RHBDD1: variants seen among roughly 807,000 people sequenced by gnomAD.
RHBDD1 encodes rhomboid domain containing 1.
Under a neutral mutation model 36.3 loss-of-function variants are expected in RHBDD1, and 38 were observed. That is an observed-to-expected ratio of 1.05 (90% CI 0.81 to 1.37). The LOEUF (loss-of-function observed/expected upper bound fraction) is 1.37. Ranked by LOEUF, RHBDD1 falls within the 40% of genes most tolerant of loss-of-function variation. The pLI is 0.00. For missense variants in RHBDD1, 393 were observed against 377.6 expected, an observed-to-expected ratio of 1.04 and a Z score of -0.34; for synonymous variants, 151 against 136.5, an observed-to-expected ratio of 1.11 and a Z score of -0.74.
chr2:226,971,130 A>C (rs1015088579), intron 8 of RHBDD1, among the ~76,000 whole-genome samples: 2 of 152,166 alleles, frequency 1.3e-5, no homozygotes, highest in African/African-American at 4.8e-5. Flanking sequence ...GAACATTTTC[A>C]TGGGCCTTTA....
intron 8 of RHBDD1, among the ~76,000 whole-genome samples, chr2:226,952,290 T>G (rs1951478843): frequency 7.6e-6 from 1 of 130,972 alleles, no homozygotes; most frequent in Non-Finnish European, 1.5e-5. Flanking sequence ...TTGTTTTGGT[T>G]TGGTTTTTTT....
At chr2:226,890,825 A>T (rs1405900866) in intron 5 of RHBDD1, among the ~76,000 whole-genome samples, 2 of 152,296 alleles carry the variant, frequency 1.3e-5, no homozygotes, top group Middle Eastern at 3.4e-3. Flanking sequence ...TTAAAATAAA[A>T]TTTTTTTAAA....
At chr2:226,856,529 G>GT (rs1943343999) in intron 3 of RHBDD1, among the ~76,000 whole-genome samples, 1 of 152,092 alleles carries the variant, frequency 6.6e-6, no homozygotes, top group East Asian at 1.9e-4. Context: ...TGGCTCTATA[G>GT]TAACAGTAAC....
intron 8 of RHBDD1, among the ~76,000 whole-genome samples, chr2:226,973,317 A>G (rs1024522118): frequency 2.0e-5 from 3 of 152,232 alleles, no homozygotes; most frequent in African/African-American, 4.8e-5. Flanking sequence ...TTACTCAAAA[A>G]AATTGTTTAA....
the RHBDD1 span, among the ~76,000 whole-genome samples, chr2:226,829,717 T>A: frequency 6.6e-6 from 1 of 152,048 alleles, no homozygotes; most frequent in Non-Finnish European, 1.5e-5. Context: ...TGTGCTAAAC[T>A]TATTAATTTT....
At chr2:226,910,665 A>G (rs560343894) in intron 7 of RHBDD1, among the ~76,000 whole-genome samples, 1 of 152,014 alleles carries the variant, frequency 6.6e-6, no homozygotes, top group South Asian at 2.1e-4. Flanking sequence ...CTAAGTATAT[A>G]ACTAAAAAAA....
upstream of RHBDD1, among the ~76,000 whole-genome samples, chr2:226,831,918 T>G (rs561095501): frequency 1.1e-4 from 17 of 152,072 alleles, no homozygotes; most frequent in African/African-American, 2.7e-4. Flanking sequence ...GTCTTTTTAA[T>G]TTTTTGGCCA....
At chr2:226,837,780 C>T (rs567794449) in intron 1 of RHBDD1, 1 of 152,356 alleles carries the variant, frequency 6.6e-6, no homozygotes, top group South Asian at 2.1e-4. Context: ...GGTAATCCAC[C>T]TGCCTCGTCT....
chr2:226,908,932 T>G (rs1439394308), intron 7 of RHBDD1, 54 bp downstream of exon 7: 1 of 1,158,772 alleles, frequency 8.6e-7, no homozygotes, highest in Non-Finnish European at 1.3e-6. Context: ...AATTATAGTG[T>G]TCAGCTCTAC....
In RHBDD1 at chr2:226,897,467, C is replaced by T. The variant is rs141605657; in HGVS notation, c.567-9326C>T. 2.1e-4 allele frequency among the ~76,000 whole-genome samples: 32 copies of T among 152,178 alleles called. No individual in the cohort carries two copies. The East Asian group carries it at 5.6e-3, about 27-fold the overall frequency. On this transcript the variant is annotated intron_variant, in intron 5 of 8. Transcript: ENST00000392062. ...ATATGTCTTAGTCCATTTAGTGTTG[C>T]TATAAAAAAATACCTGAATCTGGGT...
At chr2:226,981,830 G>T (rs1447206834) in intron 8 of RHBDD1, among the ~76,000 whole-genome samples, 1 of 152,154 alleles carries the variant, frequency 6.6e-6, no homozygotes, top group Non-Finnish European at 1.5e-5. Flanking sequence ...CAGCTCTGGG[G>T]TGCAGAGAGC....
chr2:226,961,554 T>C (rs1479693992), intron 8 of RHBDD1, among the ~76,000 whole-genome samples: 2 of 151,058 alleles, frequency 1.3e-5, no homozygotes, highest in East Asian at 1.9e-4. Flanking sequence ...TTTTTTTTCA[T>C]TTACTTTTCA....
chr2:226,888,952 T>C (rs1946465932), intron 5 of RHBDD1, among the ~76,000 whole-genome samples: 1 of 152,202 alleles, frequency 6.6e-6, no homozygotes, highest in Non-Finnish European at 1.5e-5. Flanking sequence ...AGGGTTGTAG[T>C]TGGATACAGA....
chr2:226,894,530 C>G (rs1300338890), intron 5 of RHBDD1, among the ~76,000 whole-genome samples: 2 of 152,154 alleles, frequency 1.3e-5, no homozygotes, highest in African/African-American at 4.8e-5. Context: ...CTCGGCCTCC[C>G]AAAGTGCTTG....
At chr2:226,975,234 A>G (rs1954355588) in intron 8 of RHBDD1, among the ~76,000 whole-genome samples, 1 of 152,170 alleles carries the variant, frequency 6.6e-6, no homozygotes, top group Admixed American at 6.5e-5. Context: ...GGTGGAATCG[A>G]TGCCCCTGAG....
At chr2:226,963,797 C>T (rs1952409942) in intron 8 of RHBDD1, among the ~76,000 whole-genome samples, 1 of 152,090 alleles carries the variant, frequency 6.6e-6, no homozygotes, top group Non-Finnish European at 1.5e-5. Context: ...ATTAACCTCT[C>T]AACTATCCTA....
chr2:226,886,607 T>C (rs1358729869), intron 5 of RHBDD1, among the ~76,000 whole-genome samples: 4 of 152,158 alleles, frequency 2.6e-5, no homozygotes, highest in Non-Finnish European at 5.9e-5. Context: ...ACTTCAATCT[T>C]CTCTAAAAAT....
chr2:226,803,556 T>C, the RHBDD1 span, among the ~76,000 whole-genome samples: 1 of 152,188 alleles, frequency 6.6e-6, no homozygotes, highest in Non-Finnish European at 1.5e-5. Flanking sequence ...AAAGACATGC[T>C]GCCCACAGGA....
At chr2:226,872,884 C>T (rs918314429) in intron 5 of RHBDD1, among the ~76,000 whole-genome samples, 1 of 152,210 alleles carries the variant, frequency 6.6e-6, no homozygotes, top group Admixed American at 6.5e-5. Flanking sequence ...GCAGGATTCT[C>T]CAAAAAGGAA....
Sources: gnomAD v4.1 joint callset for allele counts (sites outside exome capture counted in the v4.1 genomes callset) on GRCh38, gnomAD v4.1.1 for gene constraint, MANE v1.5 for transcripts, NCBI Gene and HGNC (gene_info 2026-07-23, HGNC 2026-07-21) for gene names.